RHBDD1: variants seen among roughly 807,000 people sequenced by gnomAD.
RHBDD1 encodes rhomboid domain containing 1.
In RHBDD1, 38 loss-of-function variants were observed where a neutral mutation model predicts 36.3. The ratio of observed to expected loss-of-function variants is 1.05; its 90% CI spans 0.81 to 1.37. The LOEUF (loss-of-function observed/expected upper bound fraction) is 1.37. Among genes scored for constraint, RHBDD1 ranks in the 40% most tolerant of loss-of-function variants. RHBDD1 has a pLI of 0.00. For missense variants in RHBDD1, 393 were observed against 377.6 expected (o/e 1.04, Z -0.34); for synonymous variants, 151 against 136.5 (o/e 1.11, Z -0.74).
At chr2:226,860,453 T>C (rs1421811846) in intron 3 of RHBDD1, among the ~76,000 whole-genome samples, 1 of 152,346 alleles carries the variant, frequency 6.6e-6, no homozygotes, top group East Asian at 1.9e-4. Flanking sequence ...ATGTATTTGA[T>C]GGGCATGACA....
At chr2:226,887,050 TAAA>T (rs1946281658) in intron 5 of RHBDD1, among the ~76,000 whole-genome samples, 1 of 152,216 alleles carries the variant, frequency 6.6e-6, no homozygotes, top group South Asian at 2.1e-4. Context: ...AAAAAATACT[TAAA>T]ACAGTAGATT....
At chr2:226,820,644 C>CAAAAAAAAAAAAAA in the RHBDD1 span, among the ~76,000 whole-genome samples, 17 of 63,538 alleles carry the variant, frequency 2.7e-4, no homozygotes, top group Non-Finnish European at 5.4e-4. Context: ...TCCATCTCCA[C>CAAAAAAAAAAAAAA]AAAAAAAAAA....
At chr2:226,886,282 G>A (rs193286412) in intron 5 of RHBDD1, among the ~76,000 whole-genome samples, 1 of 152,232 alleles carries the variant, frequency 6.6e-6, no homozygotes, top group East Asian at 1.9e-4. Flanking sequence ...AATATTTGTT[G>A]AATGAAGCCA....
chr2:226,804,165 T>C, the RHBDD1 span: 5 of 152,210 alleles, frequency 3.3e-5, no homozygotes, highest in African/African-American at 1.2e-4. Flanking sequence ...ATCAAATCTT[T>C]CTGGTAAGCA....
chr2:226,905,812 G>A (rs1015031628), intron 5 of RHBDD1, among the ~76,000 whole-genome samples: 2 of 152,154 alleles, frequency 1.3e-5, no homozygotes, highest in Non-Finnish European at 2.9e-5. Flanking sequence ...GGCTGGGAGG[G>A]GTATGAGAGG....
At chr2:226,918,966 G>C (rs937198389) in intron 8 of RHBDD1, among the ~76,000 whole-genome samples, 1 of 151,802 alleles carries the variant, frequency 6.6e-6, no homozygotes, top group Non-Finnish European at 1.5e-5. Context: ...CCATATCCTC[G>C]CAAGCATTTG....
chr2:226,991,673 G>A (rs1958246331), intron 8 of RHBDD1, among the ~76,000 whole-genome samples: 1 of 152,164 alleles, frequency 6.6e-6, no homozygotes, highest in African/African-American at 2.4e-5. Flanking sequence ...CAACAAAGGA[G>A]CTACTCAGTA....
At chr2:226,866,105 C>G (rs1222738776) in intron 4 of RHBDD1, among the ~76,000 whole-genome samples, 1 of 202 alleles carries the variant, frequency 5.0e-3, no homozygotes, top group East Asian at 0.056. Context: ...GAGTCTCGCT[C>G]TGGCACCAGG....
intron 8 of RHBDD1, among the ~76,000 whole-genome samples, chr2:226,987,532 G>A: frequency 6.6e-6 from 1 of 152,198 alleles, no homozygotes; most frequent in Non-Finnish European, 1.5e-5. Context: ...TTGCTGGTGT[G>A]ACACATTTGC....
At chr2:226,882,949 T>C (rs968090091) in intron 5 of RHBDD1, among the ~76,000 whole-genome samples, 3 of 152,164 alleles carry the variant, frequency 2.0e-5, no homozygotes, top group African/African-American at 7.2e-5. Context: ...CTTACATCCC[T>C]TCTTATAAAG....
chr2:226,920,410 C>G (rs776655970), intron 8 of RHBDD1, among the ~76,000 whole-genome samples: 1 of 152,044 alleles, frequency 6.6e-6, no homozygotes, highest in Non-Finnish European at 1.5e-5. Flanking sequence ...CTAGCTAGGA[C>G]TTTCAGTACT....
intron 8 of RHBDD1, among the ~76,000 whole-genome samples, chr2:226,986,275 C>T (rs563511618): frequency 4.6e-5 from 7 of 151,958 alleles, no homozygotes; most frequent in East Asian, 1.9e-4. Flanking sequence ...GATTGGACCC[C>T]GAACAGAAAA....
the RHBDD1 span, among the ~76,000 whole-genome samples, chr2:226,809,771 T>C: frequency 6.6e-6 from 1 of 152,204 alleles, no homozygotes; most frequent in Non-Finnish European, 1.5e-5. Context: ...TTTACTGATT[T>C]AAAACTTTAC....
At chr2:226,876,852 AAT>A (rs1297088468) in intron 5 of RHBDD1, among the ~76,000 whole-genome samples, 1 of 152,272 alleles carries the variant, frequency 6.6e-6, no homozygotes, top group African/African-American at 2.4e-5. Context: ...CAGTAAGCAC[AAT>A]ATGTGTTCAC....
rs1389533745 is a variant in RHBDD1, at chr2:226,996,821, T to C, written c.*1299T>C. The C allele has an allele frequency of 6.6e-6, 1 of 152,182 alleles. No homozygotes were observed. Among genetic ancestry groups the C allele is most frequent in the Admixed American group, 6.5e-5 (1 of 15,278 alleles). The allele number at this position is 152,182 out of a possible 1,614,324, so 9.4% of individuals were successfully genotyped here. A position where few individuals can be genotyped will look rare whatever the true frequency, so the allele number is the denominator to read the frequency against. ...TACTTTTACAATCAGGAAAACATATTTAATAACATATAGTCAAGAAAACAG... is the reference window on the plus strand; with the variant it reads ...TACTTTTACAATCAGGAAAACATATCTAATAACATATAGTCAAGAAAACAG... On this transcript the variant is annotated 3_prime_UTR_variant, in exon 9 of 9. Coordinates refer to ENST00000392062, the MANE Select transcript of RHBDD1 (RefSeq NM_001167608.3).
intron 8 of RHBDD1, among the ~76,000 whole-genome samples, chr2:226,966,294 C>A (rs1029560540): frequency 6.6e-6 from 1 of 152,164 alleles, no homozygotes; most frequent in Non-Finnish European, 1.5e-5. Context: ...GCACTCTTCA[C>A]CGTAAGGCTC....
At chr2:226,944,399 A>G (rs1339036844) in intron 8 of RHBDD1, among the ~76,000 whole-genome samples, 1 of 152,124 alleles carries the variant, frequency 6.6e-6, no homozygotes, top group Non-Finnish European at 1.5e-5. Context: ...AGACCTTGCC[A>G]CCAGGCTAGG....
intron 8 of RHBDD1, among the ~76,000 whole-genome samples, chr2:226,939,020 A>G (rs1021328315): frequency 1.3e-5 from 2 of 152,220 alleles, no homozygotes; most frequent in Admixed American, 1.3e-4. Flanking sequence ...AGAACTAAAG[A>G]CAAAAATCAC....
At chr2:226,848,467 A>C (rs1029591644) in intron 3 of RHBDD1, among the ~76,000 whole-genome samples, 2 of 152,200 alleles carry the variant, frequency 1.3e-5, no homozygotes, top group African/African-American at 4.8e-5. Context: ...TTCTGGTCTC[A>C]GCTCTGACAC....
Sources: gnomAD v4.1 joint callset for allele counts (sites outside exome capture counted in the v4.1 genomes callset) on GRCh38, gnomAD v4.1.1 for gene constraint, MANE v1.5 for transcripts, NCBI Gene and HGNC (gene_info 2026-07-23, HGNC 2026-07-21) for gene names.